COL9A3: variants seen among roughly 807,000 people sequenced by gnomAD.
The protein encoded by COL9A3 is collagen type IX alpha 3 chain.
Under a neutral mutation model 110.2 loss-of-function variants are expected in COL9A3, and 82 were observed. That is an observed-to-expected ratio of 0.74 (90% confidence interval 0.62 to 0.89). COL9A3 has a LOEUF of 0.89. Ranked by LOEUF, COL9A3 falls within the 40% of genes least tolerant of loss-of-function variation. COL9A3 has a pLI of 0.00. For missense variants in COL9A3, 1,066 were observed against 981.3 expected (o/e 1.09, Z -1.15); for synonymous variants, 494 against 403.8 (o/e 1.22, Z -2.68).
rs143610453 is a variant in COL9A3 at position 62,825,033 on chromosome 20, G to T, written c.630+12G>T. On this transcript the variant is annotated intron_variant, in intron 12 of 31. Coordinates refer to ENST00000649368, the MANE Select transcript of COL9A3 (RefSeq NM_001853.4). ...AGGACGGCGAGAAGGTGAAGCTGCC[G>T]CACAGCAGCTGGGGAGGAGCTGGGG... 2 of 1,605,788 alleles carry T rather than the reference G, an allele frequency of 1.2e-6. No homozygotes were observed. The highest frequency in any genetic ancestry group is 8.5e-7 in the Non-Finnish European group (1 of 1,177,594).
chr20:62,829,557 G>A, intron 20 of COL9A3, 58 bp downstream of exon 20: 1 of 1,606,496 alleles, frequency 6.2e-7, no homozygotes, highest in Non-Finnish European at 8.5e-7. Context: ...GGGAGGCAAG[G>A]GGCTGGGGGG....
chr20:62,825,031 C>G lies in COL9A3; in HGVS notation c.630+10C>G. The G allele has an allele frequency of 6.2e-7, 1 of 1,605,656 alleles. No individual in the cohort carries two copies. On this transcript the variant is annotated intron_variant, in intron 12 of 31. Transcript: ENST00000649368. ...CAAGGACGGCGAGAAGGTGAAGCTGCCGCACAGCAGCTGGGGAGGAGCTGG... is the reference window on the plus strand; with the variant it reads ...CAAGGACGGCGAGAAGGTGAAGCTGGCGCACAGCAGCTGGGGAGGAGCTGG...
chr20:62,829,561 T>G (rs1600801929), intron 20 of COL9A3, 62 bp downstream of exon 20: 1 of 1,602,496 alleles, frequency 6.2e-7, no homozygotes, highest in Non-Finnish European at 8.5e-7. Context: ...GGCAAGGGGC[T>G]GGGGGGCCAG....
upstream of COL9A3, chr20:62,816,981 G>A: frequency 2.5e-6 from 2 of 796,832 alleles, no homozygotes; most frequent in Non-Finnish European, 3.3e-6. Context: ...GGCGGGAAGG[G>A]GAAGGGGAAG....
chr20:62,819,192 T>C, intron 3 of COL9A3, 30 bp from the exon 4 acceptor site: 1 of 1,608,524 alleles, frequency 6.2e-7, no homozygotes, highest in African/African-American at 1.3e-5. Context: ...AGACCCCGCC[T>C]TCACATCTCT....
In COL9A3 at chr20:62,821,371, C is replaced by T. The variant is rs151327607; in HGVS notation, c.346-136C>T. On this transcript the variant is annotated intron_variant, in intron 6 of 31. Transcript: ENST00000649368. ...CTGGTGCCTGGATGGGGTCCTGGTG[C>T]CCTCTCTGGGCTGGGACCAGACACC... 5.1e-5 allele frequency: 69 copies of T among 1,366,324 alleles called. No individual in the cohort carries two copies. The African/African-American group carries it at 8.3e-4, about 16-fold the overall frequency. The allele number at this position is 1,366,324 out of a possible 1,614,324, so 84.6% of individuals were successfully genotyped here.
At position 62,836,282 on chromosome 20, in the gene COL9A3, C is replaced by T. The variant is rs770110706; in HGVS notation, c.1497C>T (p.Gly499=). The change falls in exon 28 of 32, where the codon GGC becomes GGT. Residue 499 remains glycine (G), a synonymous_variant. Transcript: ENST00000649368. ...TCCCCGGGCCCCCCGGTCCTCTGGG[C>T]CTGCAGGGCGTCCCGGGTGTTCCTG... The part of the protein sequence containing the change: ...QGVPGPPGPL[G]LQGVPGVPGI... 35 of 1,613,850 alleles carry T rather than the reference C, an allele frequency of 2.2e-5. No homozygotes were observed. The South Asian group carries it at 3.8e-4, about 18-fold the overall frequency.
intron 11 of COL9A3, 132 bp from the exon 12 acceptor site, chr20:62,824,836 C>A: frequency 3.0e-6 from 3 of 1,004,778 alleles, no homozygotes; most frequent in Non-Finnish European, 4.6e-6. Flanking sequence ...CATGAGGGCC[C>A]AGACCCGCGG....
Position 62,838,779 on chromosome 20 carries a change from G to A in COL9A3, c.1864+18G>A. 4 of 1,548,166 alleles carry A rather than the reference G, an allele frequency of 2.6e-6. No individual in the cohort carries two copies. The highest frequency in any genetic ancestry group is 3.5e-6 in the Non-Finnish European group (4 of 1,144,112). ...GCCCCAAGGTACGAGTCCACGGCCA[G>A]CAAGGCTTCACTGGGTGACATCTCT... On this transcript the variant is annotated intron_variant, in intron 31 of 31. Coordinates refer to ENST00000649368, the MANE Select transcript of COL9A3 (RefSeq NM_001853.4).
intron 12 of COL9A3, chr20:62,825,376 A>C: frequency 3.0e-6 from 1 of 327,916 alleles, no homozygotes; most frequent in South Asian, 3.9e-5. Flanking sequence ...GGCGAGGGGC[A>C]TCTGTGAGGA....
intron 8 of COL9A3, 123 bp from the exon 9 acceptor site, chr20:62,821,988 C>T: frequency 1.2e-6 from 1 of 803,650 alleles, no homozygotes; most frequent in East Asian, 2.5e-5. Flanking sequence ...ACGCAGACAC[C>T]AGCACAGTCC....
intron 31 of COL9A3, among the ~76,000 whole-genome samples, chr20:62,839,675 C>A (rs1369473711): frequency 7.4e-6 from 1 of 135,590 alleles, no homozygotes; most frequent in Non-Finnish European, 1.6e-5. Flanking sequence ...TCCACCCACC[C>A]CACCTCTCCC....
At position 62,817,553 on chromosome 20, in the gene COL9A3, T is replaced by G. The variant is rs886056905; in HGVS notation, c.79-14T>G. On this transcript the variant is annotated splice_polypyrimidine_tract_variant and intron_variant, in intron 1 of 31. Transcript: ENST00000649368. ...GGGGCACCTGCGCTCCTTAATGAGTTTTCTCCGTTTCAGAGAGTGGGACTC... is the reference window on the plus strand; with the variant it reads ...GGGGCACCTGCGCTCCTTAATGAGTGTTCTCCGTTTCAGAGAGTGGGACTC... The G allele has an allele frequency of 6.5e-6, 10 of 1,536,492 alleles. 1 individual carries two copies. The South Asian group carries it at 1.2e-4, about 18-fold the overall frequency.
intron 31 of COL9A3, among the ~76,000 whole-genome samples, chr20:62,840,246 ACTC>A (rs1338054651): frequency 3.0e-5 from 4 of 133,644 alleles, no homozygotes; most frequent in African/African-American, 1.2e-4. Flanking sequence ...CTCCAAATCC[ACTC>A]CTTACTCACA....
chr20:62,821,469 G>A, intron 6 of COL9A3, 38 bp from the exon 7 acceptor site: 1 of 1,612,802 alleles, frequency 6.2e-7, no homozygotes, highest in Admixed American at 1.7e-5. Context: ...AGCCCTTCTT[G>A]TGCCTGGCAG....
chr20:62,825,463 G>A, intron 12 of COL9A3: 1 of 400,272 alleles, frequency 2.5e-6, no homozygotes, highest in East Asian at 5.3e-5. Context: ...GTCACCTGCA[G>A]GCCGGGGGAC....
Position 62,836,227 on chromosome 20 carries a change from GT to G in COL9A3, c.1443del (p.Asn483ThrfsTer50). ...RGELGPKGTQ[G>X]PNGTSGVQGV... ...GAGCTGGGCCCCAAAGGCACCCAGG[GT>G]CCCAACGGCACCAGCGGTGTTCAGG... On this transcript the variant is annotated frameshift_variant, in exon 28 of 32. Coordinates refer to ENST00000649368, the MANE Select transcript of COL9A3 (RefSeq NM_001853.4). LOFTEE classifies it high-confidence loss of function. 1 of 1,613,676 alleles carries G rather than the reference GT, an allele frequency of 6.2e-7. No homozygotes were observed. Among genetic ancestry groups the G allele is most frequent in the Non-Finnish European group, 8.5e-7 (1 of 1,179,982 alleles).
At chr20:62,829,915 C>T (rs557529180) in intron 22 of COL9A3, 96 bp downstream of exon 22, 12 of 1,437,774 alleles carry the variant, frequency 8.3e-6, no homozygotes, top group Admixed American at 6.0e-5. Flanking sequence ...ATTTGGTTGC[C>T]TTGATGGGCC....
rs2063672617 is a variant in COL9A3, at chr20:62,840,813, G to A, written c.*81G>A. ...GAAGGAGCGGGGGTGTGGCAGGCGG[G>A]TGACGTCCAGGAGAGGGAGCGCCCC... On this transcript the variant is annotated 3_prime_UTR_variant, in exon 32 of 32. Coordinates refer to ENST00000649368, the MANE Select transcript of COL9A3 (RefSeq NM_001853.4). The A allele has an allele frequency of 6.6e-7, 1 of 1,508,656 alleles. No homozygotes were observed. Among genetic ancestry groups the A allele is most frequent in the Non-Finnish European group, 9.0e-7 (1 of 1,109,522 alleles). 93.5% of individuals were successfully genotyped at this position (1,508,656 alleles called of 1,614,324 possible).
Sources: gnomAD v4.1 joint callset for allele counts (sites outside exome capture counted in the v4.1 genomes callset) on GRCh38, gnomAD v4.1.1 for gene constraint, MANE v1.5 for transcripts, NCBI Gene and HGNC (gene_info 2026-07-23, HGNC 2026-07-21) for gene names.